The following ILDR2 variants were observed in gnomAD, a reference collection of about 807,000 sequenced individuals.
The protein encoded by ILDR2 is immunoglobulin-like domain-containing receptor 2.
ILDR2 carries 25 observed loss-of-function variants against 66.8 expected under a neutral mutation model. That is an observed-to-expected ratio of 0.37 (90% CI 0.27 to 0.52). ILDR2 has a LOEUF of 0.52. Among genes scored for constraint, ILDR2 ranks in the 20% least tolerant of loss-of-function variants. ILDR2 has a pLI of 0.88. For synonymous variants in ILDR2, 367 were observed against 357.2 expected, an observed-to-expected ratio of 1.03 and a Z score of -0.31; for missense variants, 827 against 876.8, an observed-to-expected ratio of 0.94 and a Z score of 0.72.
chr1:166,939,248 G>GC, intron 4 of ILDR2, among the ~76,000 whole-genome samples: 1 of 152,194 alleles, frequency 6.6e-6, no homozygotes, highest in Non-Finnish European at 1.5e-5. Flanking sequence ...TGGGCATGGA[G>GC]ATTGCCAAAG....
chr1:166,940,153 T>A (rs1274296903), intron 3 of ILDR2, among the ~76,000 whole-genome samples: 2 of 152,208 alleles, frequency 1.3e-5, no homozygotes, highest in Non-Finnish European at 2.9e-5. Context: ...ACTGTACATA[T>A]GTAGATGGTA....
intron 3 of ILDR2, among the ~76,000 whole-genome samples, chr1:166,954,348 G>A (rs1662151406): frequency 2.0e-5 from 3 of 152,154 alleles, no homozygotes; most frequent in African/African-American, 4.8e-5. Context: ...TTGAAATATT[G>A]TATAAAGGGA....
intron 6 of ILDR2, among the ~76,000 whole-genome samples, chr1:166,931,467 C>T (rs1660634448): frequency 6.6e-6 from 1 of 152,194 alleles, no homozygotes; most frequent in African/African-American, 2.4e-5. Context: ...TATATAGATA[C>T]ACATCCTTAT....
At chr1:166,940,645 A>G (rs1197768726) in intron 3 of ILDR2, among the ~76,000 whole-genome samples, 5 of 152,240 alleles carry the variant, frequency 3.3e-5, no homozygotes, top group Non-Finnish European at 7.3e-5. Flanking sequence ...AGGAAGTACA[A>G]TAAAAAGTAA....
intron 3 of ILDR2, among the ~76,000 whole-genome samples, chr1:166,940,772 G>T (rs1053301223): frequency 6.6e-6 from 1 of 152,198 alleles, no homozygotes; most frequent in African/African-American, 2.4e-5. Flanking sequence ...CAGCTCTGGT[G>T]ATCTGTTTCA....
At chr1:166,907,275 C>T (rs1420332359), downstream of ILDR2, 3 of 152,202 alleles carry the variant, frequency 2.0e-5, no homozygotes, top group Admixed American at 6.5e-5. Flanking sequence ...TTCTTCAAGA[C>T]GTTTCTCTCT....
chr1:166,904,539 C>A (rs1659310906), downstream of ILDR2, among the ~76,000 whole-genome samples: 1 of 152,174 alleles, frequency 6.6e-6, no homozygotes, highest in South Asian at 2.1e-4. Context: ...GAATAATGAA[C>A]AAGGATTCAG....
intron 6 of ILDR2, among the ~76,000 whole-genome samples, chr1:166,929,922 C>T (rs1426918330): frequency 6.6e-6 from 1 of 152,100 alleles, no homozygotes; most frequent in Non-Finnish European, 1.5e-5. Context: ...ACTAGCATGT[C>T]TGTATGCATT....
intron 3 of ILDR2, among the ~76,000 whole-genome samples, chr1:166,941,865 T>TA (rs1661328329): frequency 6.6e-6 from 1 of 152,226 alleles, no homozygotes; most frequent in African/African-American, 2.4e-5. Context: ...TACCAATTCG[T>TA]GGGCTCCTAT....
In ILDR2 at chr1:166,920,774, C is replaced by T. The variant is rs1426679425; in HGVS notation, c.1817G>A (p.Arg606His). 6.6e-7 allele frequency: 1 copy of T among 1,513,952 alleles called. No individual in the cohort carries two copies. The highest frequency in any genetic ancestry group is 8.8e-7 in the Non-Finnish European group (1 of 1,131,882). 93.8% of individuals were successfully genotyped at this position (1,513,952 alleles called of 1,614,324 possible). The change falls in exon 9 of 10, where the codon CGC (arginine) becomes CAC (histidine). Residue 606 changes from arginine (R) to histidine (H), a missense_variant. By Grantham distance (29) the Arg-to-His change is conservative. Coordinates refer to ENST00000271417, the MANE Select transcript of ILDR2 (RefSeq NM_199351.3). ...ELELTRGPSY[R>H]GRDLPYHSNS... ...GCTGTGGTAGGGCAGGTCGCGGCCG[C>T]GGTAGGACGGGCCGCGGGTCAGCTC...
At chr1:166,938,410 T>A (rs990399114) in intron 4 of ILDR2, among the ~76,000 whole-genome samples, 2 of 152,224 alleles carry the variant, frequency 1.3e-5, no homozygotes, top group African/African-American at 4.8e-5. Flanking sequence ...TAACTCTTTC[T>A]TGAGACTGGG....
chr1:166,950,378 C>T (rs531479547), intron 3 of ILDR2, among the ~76,000 whole-genome samples: 3 of 152,192 alleles, frequency 2.0e-5, no homozygotes, highest in East Asian at 3.9e-4. Flanking sequence ...CCTTGGTTAG[C>T]GGCACCAGGC....
At chr1:166,901,900 A>T (rs900823655) in intron 2 of ILDR2, among the ~76,000 whole-genome samples, 17 of 152,086 alleles carry the variant, frequency 1.1e-4, no homozygotes, top group African/African-American at 3.9e-4. Context: ...TGCCAGAGAG[A>T]TTTTAGCTGG....
Position 166,975,327 on chromosome 1 carries a change from A to T in ILDR2, c.-59T>A, listed in dbSNP as rs1663531014. 5.9e-6 allele frequency: 9 copies of T among 1,525,248 alleles called. No homozygotes were observed. Among genetic ancestry groups the T allele is most frequent in the Admixed American group, 1.7e-5 (1 of 58,200 alleles). 94.5% of individuals were successfully genotyped at this position (1,525,248 alleles called of 1,614,324 possible). Reference sequence around the variant, plus strand: ...GGAAAGTGGGAAATGGCTGGAACAGAAGGATCGCTGTCACCCCGCGGCAGC... The same window carrying T: ...GGAAAGTGGGAAATGGCTGGAACAGTAGGATCGCTGTCACCCCGCGGCAGC... On this transcript the variant is annotated 5_prime_UTR_variant, in exon 1 of 10. Transcript: ENST00000271417.
At chr1:166,966,591 G>C (rs1662966945) in intron 1 of ILDR2, among the ~76,000 whole-genome samples, 1 of 152,186 alleles carries the variant, frequency 6.6e-6, no homozygotes. Context: ...CTGTGTCCAA[G>C]TGTGCCATCC....
chr1:166,957,754 T>C lies in ILDR2; in HGVS notation c.379+15A>G. On this transcript the variant is annotated intron_variant, in intron 2 of 9. Coordinates refer to ENST00000271417, the MANE Select transcript of ILDR2 (RefSeq NM_199351.3). ...TCCCTCCCATTTCCTAGATTCAAAA[T>C]AGGGGCATTATTACCATGAACAATC... The C allele has an allele frequency of 6.3e-7, 1 of 1,587,004 alleles. No homozygotes were observed. The highest frequency in any genetic ancestry group is 8.6e-7 in the Non-Finnish European group (1 of 1,160,334).
Position 166,936,796 on chromosome 1 carries a change from A to G in ILDR2, c.557-59T>C, listed in dbSNP as rs1661010025. 1 of 1,559,190 alleles carries G rather than the reference A, an allele frequency of 6.4e-7. No individual in the cohort carries two copies. The highest frequency in any genetic ancestry group is 8.8e-7 in the Non-Finnish European group (1 of 1,134,980). On this transcript the variant is annotated intron_variant, in intron 4 of 9. Transcript: ENST00000271417. The surrounding 1 kb of genome is among the most constrained non-coding windows in gnomAD (Gnocchi z 5.0). ...GCAGCCCACCTCCAGGGCAGGGTGC[A>G]CTTTGATTGGCATCTCCCGGTGAAA... is the stretch of plus-strand genomic sequence containing the variant.
chr1:166,956,748 C>T lies in ILDR2; in HGVS notation c.484G>A (p.Glu162Lys). ...TTTCACTTACCCAACACCAGCAGTTCCACTGAGTCCTCATTTTTCCCCTCC... is the reference window on the plus strand; with the variant it reads ...TTTCACTTACCCAACACCAGCAGTTTCACTGAGTCCTCATTTTTCCCCTCC... ...DLEGKNEDSV[E>K]LLVLGRTGLL... The change falls in exon 3 of 10, where the codon GAA becomes AAA. Residue 162 changes from glutamate to lysine, a missense_variant. By Grantham distance (56) the Glu-to-Lys change is moderately conservative. This residue lies in a region of ILDR2 where 437 missense variants were observed against 523.2 expected (regional missense o/e 0.84). Coordinates refer to ENST00000271417, the MANE Select transcript of ILDR2 (RefSeq NM_199351.3). The T allele has an allele frequency of 6.2e-7, 1 of 1,613,938 alleles. No individual in the cohort carries two copies. The highest frequency in any genetic ancestry group is 1.1e-5 in the South Asian group (1 of 91,040).
intron 6 of ILDR2, among the ~76,000 whole-genome samples, 154 bp downstream of exon 6, chr1:166,935,147 A>G (rs1660870815): frequency 6.6e-6 from 1 of 152,214 alleles, no homozygotes; most frequent in African/African-American, 2.4e-5. Flanking sequence ...AATGTACCCT[A>G]AAAGATATCT....
Sources: gnomAD v4.1 joint callset for allele counts (sites outside exome capture counted in the v4.1 genomes callset) on GRCh38, gnomAD v4.1.1 for gene constraint, gnomAD v4.1.1 regional missense constraint, Gnocchi (gnomAD v3.1) non-coding constraint, MANE v1.5 for transcripts, NCBI Gene and HGNC (gene_info 2026-07-23, HGNC 2026-07-21) for gene names.